Variants in FAM149A observed in about 807,000 individuals in gnomAD.
FAM149A encodes family with sequence similarity 149 member A, also known as protein FAM149A.
A neutral mutation model predicts 78.2 loss-of-function variants in FAM149A; 71 were observed. The ratio of observed to expected loss-of-function variants is 0.91; its 90% CI spans 0.75 to 1.11. The LOEUF (loss-of-function observed/expected upper bound fraction) is 1.11. Among genes scored for constraint, FAM149A ranks in the 50% least tolerant of loss-of-function variants. The probability of loss-of-function intolerance (pLI) is 0.00; values close to 1 mark genes in which losing one functional copy is unlikely to be tolerated. For synonymous variants in FAM149A, 446 were observed against 410.5 expected, an observed-to-expected ratio of 1.09 and a Z score of -1.04; for missense variants, 1,036 against 971.0, an observed-to-expected ratio of 1.07 and a Z score of -0.89.
chr4:186,157,462 C>T (rs545388205), intron 7 of FAM149A, 103 bp from the exon 8 acceptor site: 128 of 1,190,906 alleles, frequency 1.1e-4, no homozygotes, highest in South Asian at 7.1e-4. Flanking sequence ...AGCATGGGCT[C>T]GTGGTAGCTC....
chr4:186,171,556 G>A (rs1003087116), intron 13 of FAM149A, among the ~76,000 whole-genome samples: 7 of 152,104 alleles, frequency 4.6e-5, no homozygotes, highest in African/African-American at 1.7e-4. Flanking sequence ...TAGTGGGAAG[G>A]ATCCCTTAAA....
At chr4:186,135,001 G>A (rs547040608) in intron 1 of FAM149A, among the ~76,000 whole-genome samples, 5 of 152,166 alleles carry the variant, frequency 3.3e-5, no homozygotes, top group African/African-American at 7.2e-5. Flanking sequence ...GGTGGCTCTC[G>A]AAGTGCCATC....
intron 1 of FAM149A, chr4:186,117,746 G>C (rs959266607): frequency 1.1e-6 from 1 of 880,244 alleles, no homozygotes; most frequent in Non-Finnish European, 1.4e-6. Flanking sequence ...GCAGGAGCAG[G>C]CTGCACTTTA....
At chr4:186,152,158 T>C in intron 4 of FAM149A, 113 bp downstream of exon 4, 16 of 990,050 alleles carry the variant, frequency 1.6e-5, no homozygotes, top group Non-Finnish European at 2.5e-5. Flanking sequence ...AGTCAGAATA[T>C]GGATGCAGAG....
At chr4:186,166,182 A>C (rs564293605) in intron 11 of FAM149A, among the ~76,000 whole-genome samples, 1 of 152,286 alleles carries the variant, frequency 6.6e-6, no homozygotes, top group South Asian at 2.1e-4. Context: ...TATTCATTTT[A>C]TACAACACAG....
intron 7 of FAM149A, among the ~76,000 whole-genome samples, 172 bp from the exon 8 acceptor site, chr4:186,157,393 C>T (rs1734120637): frequency 6.6e-6 from 1 of 152,208 alleles, no homozygotes; most frequent in Non-Finnish European, 1.5e-5. Context: ...ACCACAGTTC[C>T]AGCAGCCAGT....
intron 1 of FAM149A, among the ~76,000 whole-genome samples, chr4:186,128,197 C>T (rs2099319214): frequency 6.6e-6 from 1 of 151,966 alleles, no homozygotes; most frequent in African/African-American, 2.4e-5. Flanking sequence ...CCATGTTAGC[C>T]AGGCTGGTCT....
At position 186,167,245 on chromosome 4, in the gene FAM149A, G is replaced by T. The variant is rs111681837; in HGVS notation, c.2201G>T (p.Gly734Val). ...GAATTTGCTGCTCACACATGGACAG[G>T]TCAAAGTATTTTGACAGGTCAGCTT... is the stretch of plus-strand genomic sequence containing the variant. The change falls in exon 13 of 14, where the codon GGT (glycine) becomes GTT (valine). Residue 734 changes from glycine to valine, a missense_variant. By Grantham distance (109) the Gly-to-Val change is moderately radical (BLOSUM62 -3). Coordinates refer to ENST00000389354, the MANE Select transcript of FAM149A (RefSeq NM_001367768.3). 10,994 of 1,613,166 alleles carry T rather than the reference G, an allele frequency of 6.8e-3. 49 individuals are homozygous for T. Among genetic ancestry groups the T allele is most frequent in the Non-Finnish European group, 8.3e-3 (9,811 of 1,179,106 alleles).
intron 5 of FAM149A, 126 bp downstream of exon 5, chr4:186,153,896 A>AGGT: frequency 2.0e-6 from 2 of 977,288 alleles, no homozygotes; most frequent in Non-Finnish European, 3.0e-6. Flanking sequence ...GATGAAGGGC[A>AGGT]GGTACAGAGA....
At chr4:186,108,599 A>C (rs1186167317) in intron 1 of FAM149A, among the ~76,000 whole-genome samples, 3 of 152,088 alleles carry the variant, frequency 2.0e-5, no homozygotes, top group Non-Finnish European at 4.4e-5. Flanking sequence ...CTTTTGCTCC[A>C]CAGGGCGTAC....
At chr4:186,136,603 AG>A (rs750790560) in intron 1 of FAM149A, among the ~76,000 whole-genome samples, 11 of 152,218 alleles carry the variant, frequency 7.2e-5, no homozygotes, top group Admixed American at 2.6e-4. Context: ...TTGATTACCT[AG>A]GACTTTCTAT....
At chr4:186,159,055 G>A (rs888362139) in intron 8 of FAM149A, among the ~76,000 whole-genome samples, 4 of 152,036 alleles carry the variant, frequency 2.6e-5, no homozygotes, top group Non-Finnish European at 4.4e-5. Context: ...CTAATATTTC[G>A]AGCTAGTTTG....
At chr4:186,109,388 C>A in intron 1 of FAM149A, 1 of 757,116 alleles carries the variant, frequency 1.3e-6, no homozygotes, top group South Asian at 6.0e-5. Flanking sequence ...GCTTGAAGGG[C>A]CTGTCAGCAT....
intron 1 of FAM149A, chr4:186,132,289 A>C: frequency 2.3e-6 from 2 of 854,248 alleles, no homozygotes; most frequent in Non-Finnish European, 2.8e-6. Context: ...AAATCAATGA[A>C]ATTGATTTAA....
At chr4:186,155,763 C>T (rs138370487) in intron 6 of FAM149A, among the ~76,000 whole-genome samples, 259 of 149,426 alleles carry the variant, frequency 1.7e-3, no homozygotes, top group Middle Eastern at 6.8e-3. Context: ...AGCTCAGAGC[C>T]GAAATAAATG....
chr4:186,149,511 G>T, intron 2 of FAM149A, 55 bp from the exon 3 acceptor site: 1 of 1,284,800 alleles, frequency 7.8e-7, no homozygotes, highest in Non-Finnish European at 1.0e-6. Flanking sequence ...AAGCCACTTA[G>T]CCATCCAAGC....
intron 8 of FAM149A, chr4:186,158,257 G>A: frequency 8.0e-7 from 1 of 1,244,556 alleles, no homozygotes; most frequent in Non-Finnish European, 1.0e-6. Flanking sequence ...AGCCATGTCT[G>A]CTGGTCCCAG....
At chr4:186,114,013 T>C (rs1377196046) in intron 1 of FAM149A, among the ~76,000 whole-genome samples, 2 of 144,678 alleles carry the variant, frequency 1.4e-5, no homozygotes, top group Non-Finnish European at 3.0e-5. Flanking sequence ...CTCCCATTAT[T>C]ATTGTGTGGG....
At position 186,157,570 on chromosome 4, in the gene FAM149A, A is replaced by G. The variant is rs1734146817; in HGVS notation, c.1426A>G (p.Lys476Glu). The change falls in exon 8 of 14, where the codon AAA becomes GAA. Residue 476 changes from lysine to glutamate, a missense_variant. By Grantham distance (56) the Lys-to-Glu change is moderately conservative. Around this residue, in one of 3 missense-constraint regions of FAM149A, gnomAD observed 716 missense variants for 711.8 expected, o/e 1.01. Transcript: ENST00000389354. ...TGATTCTTCTGTTGACACAGAAGGGAAAAAACAGAGAGAAACATTGAAAGT... is the reference window on the plus strand; with the variant it reads ...TGATTCTTCTGTTGACACAGAAGGGGAAAAACAGAGAGAAACATTGAAAGT... 6.2e-7 allele frequency: 1 copy of G among 1,613,878 alleles called. No homozygotes were observed. Among genetic ancestry groups the G allele is most frequent in the African/African-American group, 1.3e-5 (1 of 75,056 alleles).
Sources: gnomAD v4.1 joint callset for allele counts (sites outside exome capture counted in the v4.1 genomes callset) on GRCh38, gnomAD v4.1.1 for gene constraint, gnomAD v4.1.1 regional missense constraint, MANE v1.5 for transcripts, NCBI Gene and HGNC (gene_info 2026-07-23, HGNC 2026-07-21) for gene names.